Variants in ST18 observed in about 807,000 individuals in gnomAD.
ST18 encodes suppression of tumorigenicity 18 protein.
In ST18, 50 loss-of-function variants were observed where a neutral mutation model predicts 110.0. The ratio of observed to expected loss-of-function variants is 0.45; its 90% CI spans 0.36 to 0.58. The LOEUF (loss-of-function observed/expected upper bound fraction) is 0.58. ST18 is among the 20% of genes least tolerant of loss of function. The pLI is 0.00. For synonymous variants in ST18, 461 were observed against 452.4 expected (o/e 1.02, Z -0.24); for missense variants, 1,306 against 1,280.1 (o/e 1.02, Z -0.31).
chr8:52,152,295 A>G (rs1191459835), intron 15 of ST18, among the ~76,000 whole-genome samples: 1 of 152,216 alleles, frequency 6.6e-6, no homozygotes, highest in Non-Finnish European at 1.5e-5. Flanking sequence ...TCAGAGCAGT[A>G]TCAATGGGCA....
At chr8:52,230,901 G>C (rs147815754) in intron 2 of ST18, among the ~76,000 whole-genome samples, 2 of 152,202 alleles carry the variant, frequency 1.3e-5, no homozygotes, top group Non-Finnish European at 2.9e-5. Flanking sequence ...AGGGTGGAAG[G>C]ATAGCCTCAA....
chr8:52,279,776 G>A (rs780601416), intron 2 of ST18, among the ~76,000 whole-genome samples: 7 of 152,216 alleles, frequency 4.6e-5, no homozygotes, highest in South Asian at 2.1e-4. Flanking sequence ...GATATGCAAC[G>A]TGAACAATTC....
chr8:52,270,832 A>C (rs990756105), intron 2 of ST18, among the ~76,000 whole-genome samples: 21 of 152,166 alleles, frequency 1.4e-4, no homozygotes, highest in African/African-American at 4.6e-4. Context: ...AATTTATTAA[A>C]ATCGATTGAA....
intron 2 of ST18, among the ~76,000 whole-genome samples, chr8:52,305,566 G>A (rs1166949384): frequency 6.6e-6 from 1 of 152,170 alleles, no homozygotes; most frequent in Admixed American, 6.5e-5. Context: ...AATTTCACAT[G>A]AAAACGTCTT....
intron 2 of ST18, among the ~76,000 whole-genome samples, chr8:52,274,735 T>C (rs2095183577): frequency 6.6e-6 from 1 of 152,208 alleles, no homozygotes; most frequent in Non-Finnish European, 1.5e-5. Context: ...ACCATCACGT[T>C]AATAAGTAAC....
chr8:52,395,510 A>G (rs1286404428), intron 2 of ST18, among the ~76,000 whole-genome samples: 2 of 152,196 alleles, frequency 1.3e-5, no homozygotes, highest in Non-Finnish European at 2.9e-5. Context: ...TCTCATGGGG[A>G]GAGCTGGATT....
chr8:52,162,417 G>A (rs528903509), intron 13 of ST18, among the ~76,000 whole-genome samples: 1 of 152,196 alleles, frequency 6.6e-6, no homozygotes, highest in African/African-American at 2.4e-5. Flanking sequence ...TGATGCCTAA[G>A]AGGGGCAGTA....
At chr8:52,264,107 T>C (rs908861245) in intron 2 of ST18, among the ~76,000 whole-genome samples, 1 of 152,156 alleles carries the variant, frequency 6.6e-6, no homozygotes, top group Non-Finnish European at 1.5e-5. Context: ...CAATACCACA[T>C]AGATTTTTTA....
intron 17 of ST18, among the ~76,000 whole-genome samples, chr8:52,141,057 G>C (rs568232085): frequency 6.6e-6 from 1 of 152,178 alleles, no homozygotes. Flanking sequence ...GCCGATTTAA[G>C]TTCCAGCATG....
At chr8:52,356,952 A>G (rs1194293059) in intron 2 of ST18, among the ~76,000 whole-genome samples, 1 of 152,166 alleles carries the variant, frequency 6.6e-6, no homozygotes, top group African/African-American at 2.4e-5. Context: ...GATCAGGAAA[A>G]ATAACTAATG....
At chr8:52,198,045 T>G (rs1160985182) in intron 8 of ST18, among the ~76,000 whole-genome samples, 2 of 152,182 alleles carry the variant, frequency 1.3e-5, no homozygotes, top group Non-Finnish European at 2.9e-5. Flanking sequence ...GACGGAGTCT[T>G]GCTCTGTCAC....
chr8:52,152,856 C>A (rs563330382), intron 15 of ST18, among the ~76,000 whole-genome samples: 5 of 152,180 alleles, frequency 3.3e-5, no homozygotes, highest in Non-Finnish European at 7.3e-5. Context: ...TATGCCACCC[C>A]TATTTAATGG....
chr8:52,298,682 T>C (rs1242457487), intron 2 of ST18, among the ~76,000 whole-genome samples: 1 of 152,242 alleles, frequency 6.6e-6, no homozygotes, highest in African/African-American at 2.4e-5. Flanking sequence ...CGAAACTATA[T>C]GAAATTATAT....
intron 2 of ST18, among the ~76,000 whole-genome samples, chr8:52,359,414 A>G (rs1027790812): frequency 2.0e-5 from 3 of 152,090 alleles, no homozygotes; most frequent in East Asian, 3.9e-4. Flanking sequence ...CATAACCACA[A>G]TGAACAAAGT....
intron 12 of ST18, 65 bp from the exon 13 acceptor site, chr8:52,164,155 T>G (rs1157486452): frequency 3.7e-6 from 5 of 1,350,074 alleles, no homozygotes; most frequent in Non-Finnish European, 5.3e-6. Flanking sequence ...TTTTGGCATG[T>G]GCCTCACAGC....
chr8:52,351,227 T>C (rs2140317777), intron 2 of ST18, among the ~76,000 whole-genome samples: 1 of 152,328 alleles, frequency 6.6e-6, no homozygotes, highest in Middle Eastern at 3.4e-3. Context: ...ACTTTCTAGT[T>C]TATCAGCATC....
At chr8:52,385,239 C>G (rs1038275476) in intron 2 of ST18, among the ~76,000 whole-genome samples, 8 of 152,186 alleles carry the variant, frequency 5.3e-5, no homozygotes, top group African/African-American at 7.2e-5. Context: ...CTAAGACATG[C>G]ATCCCCAACT....
At chr8:52,123,663 C>T (rs1478479859) in intron 23 of ST18, among the ~76,000 whole-genome samples, 2 of 152,190 alleles carry the variant, frequency 1.3e-5, no homozygotes, top group South Asian at 2.1e-4. Flanking sequence ...CAACCCAGCT[C>T]GCTGCTGCTC....
chr8:52,206,143 C>A (rs913733108), intron 8 of ST18, among the ~76,000 whole-genome samples: 2 of 152,092 alleles, frequency 1.3e-5, no homozygotes, highest in Non-Finnish European at 2.9e-5. Context: ...GTATAAAGCA[C>A]TTAACTTCCA....
Sources: allele counts gnomAD v4.1 joint callset (sites outside exome capture counted in the v4.1 genomes callset), GRCh38; gene constraint gnomAD v4.1.1; transcripts MANE v1.5; gene names NCBI Gene and HGNC (gene_info 2026-07-23, HGNC 2026-07-21).